The following NXF1 variants were observed in gnomAD, a reference collection of about 807,000 sequenced individuals.
NXF1 encodes nuclear RNA export factor 1.
A neutral mutation model predicts 92.4 loss-of-function variants in NXF1; 43 were observed. The observed-to-expected ratio is 0.47, with a 90% CI of 0.36 to 0.60. NXF1 has a LOEUF of 0.60. Ranked by LOEUF, NXF1 falls within the 20% of genes least tolerant of loss-of-function variation. The pLI, the probability that NXF1 is intolerant of heterozygous loss-of-function variation, is 0.00. For synonymous variants in NXF1, 288 were observed against 292.2 expected, an observed-to-expected ratio of 0.99 and a Z score of 0.15; for missense variants, 576 against 793.0, an observed-to-expected ratio of 0.73 and a Z score of 3.29.
chr11:62,796,862 T>C, intron 13 of NXF1: 1 of 526,760 alleles, frequency 1.9e-6, no homozygotes, highest in Non-Finnish European at 3.4e-6. Context: ...AGGTCAGGAG[T>C]TGGAGACCAG....
In NXF1 at chr11:62,801,777, G is replaced by A; in HGVS notation, c.601C>T (p.Leu201=). 7 of 1,614,028 alleles carry A rather than the reference G, an allele frequency of 4.3e-6. No individual in the cohort carries two copies. The highest frequency in any genetic ancestry group is 5.9e-6 in the Non-Finnish European group (7 of 1,179,946). The part of the protein sequence containing the change: ...INSSAPPHTI[L]NELKPEQVEQ... ...ACTTGTTCTGGCTTCAGTTCATTCA[G>A]TATAGTGTGGGGTGGAGCAGAAGAG... Residue 201 remains leucine, a synonymous_variant, in exon 6 of 21, where the codon CTG becomes TTG. Coordinates refer to ENST00000294172, the MANE Select transcript of NXF1 (RefSeq NM_006362.5).
intron 15 of NXF1, 33 bp from the exon 16 acceptor site, chr11:62,796,214 C>T: frequency 6.2e-7 from 1 of 1,612,062 alleles, no homozygotes; most frequent in South Asian, 1.1e-5. Flanking sequence ...AGTGGTGCTG[C>T]CACACACTCC....
chr11:62,797,414 T>C, intron 11 of NXF1, 28 bp from the exon 12 acceptor site: 1 of 1,604,346 alleles, frequency 6.2e-7, no homozygotes, highest in East Asian at 2.2e-5. Flanking sequence ...AAGTTGACAG[T>C]GTAGACTGGG....
At chr11:62,794,849 C>G in intron 18 of NXF1, 86 bp downstream of exon 18, 1 of 1,274,946 alleles carries the variant, frequency 7.8e-7, no homozygotes, top group Non-Finnish European at 1.1e-6. Flanking sequence ...TCTGAAATCA[C>G]CCCAAAGACT....
chr11:62,798,567 C>T lies in NXF1; in HGVS notation c.1025G>A (p.Arg342His), dbSNP rs2084445665. 4 of 1,613,952 alleles carry T rather than the reference C, an allele frequency of 2.5e-6. No homozygotes were observed. Among genetic ancestry groups the T allele is most frequent in the Non-Finnish European group, 3.4e-6 (4 of 1,179,986 alleles). ...RDQSTYISAI[R>H]ERFPKLLRLD... is the part of the protein sequence containing the mutation. ...GCGTAGTAACTTGGGAAATCGTTCG[C>T]GAATGGCGCTGTCAAGAACGGGACA... The change falls in exon 11 of 21, where the codon CGC (arginine) becomes CAC (histidine). Residue 342 changes from arginine (R) to histidine (H), a missense_variant. Arg to His is a conservative substitution (Grantham distance 29). Transcript: ENST00000294172.
intron 13 of NXF1, 22 bp downstream of exon 13, chr11:62,797,161 G>C (rs748935529): frequency 1.2e-6 from 2 of 1,611,106 alleles, no homozygotes; most frequent in East Asian, 2.2e-5. Flanking sequence ...GGGGTGGGGA[G>C]GGGGGACCCT....
intron 13 of NXF1, chr11:62,796,899 T>A: frequency 1.9e-6 from 1 of 535,884 alleles, no homozygotes; most frequent in Non-Finnish European, 3.3e-6. Flanking sequence ...AAATCCCATC[T>A]GTACGAAAAA....
intron 4 of NXF1, 44 bp from the exon 5 acceptor site, chr11:62,802,090 T>C (rs753721182): frequency 5.6e-6 from 9 of 1,607,878 alleles, no homozygotes; most frequent in Non-Finnish European, 6.8e-6. Flanking sequence ...TCCAGAGCCC[T>C]TGGGGAGGGG....
At chr11:62,798,934 C>T in intron 10 of NXF1, 2 of 1,077,280 alleles carry the variant, frequency 1.9e-6, no homozygotes, top group South Asian at 7.2e-5. Flanking sequence ...AGCCCAGGGG[C>T]TCCGCTGCCT....
intron 18 of NXF1, 102 bp from the exon 19 acceptor site, chr11:62,794,542 C>G (rs1337383884): frequency 1.0e-6 from 1 of 992,310 alleles, no homozygotes; most frequent in East Asian, 2.5e-5. Context: ...GGTCCCCCTC[C>G]CACTCTTAGC....
In NXF1 at chr11:62,805,341, TC is replaced by T. The variant is rs747925585; in HGVS notation, c.15del (p.Lys6SerfsTer56). On this transcript the variant is annotated frameshift_variant, in exon 1 of 21. Transcript: ENST00000294172. LOFTEE classifies it high-confidence loss of function. MADEGKSYSEHDDER... is the reference protein window; with the variant it reads MADEXKSYSEHDDER... Reference sequence around the variant, plus strand: ...GACCAGCACTTACCGCTGTACGACTTCCCCTCGTCCGCCATGCCACAGCGAA... The same window carrying T: ...GACCAGCACTTACCGCTGTACGACTTCCCTCGTCCGCCATGCCACAGCGAA... The T allele has an allele frequency of 6.2e-7, 1 of 1,611,154 alleles. No individual in the cohort carries two copies. Among genetic ancestry groups the T allele is most frequent in the East Asian group, 2.2e-5 (1 of 44,752 alleles).
At chr11:62,804,201 G>A (rs534848767) in intron 1 of NXF1, 1 of 1,513,282 alleles carries the variant, frequency 6.6e-7, no homozygotes, top group African/African-American at 1.4e-5. Flanking sequence ...TTTGAAAAAT[G>A]AAGTAGAAAC....
Position 62,798,588 on chromosome 11 carries a change from G to A in NXF1, c.1017-13C>T. ...TTCGCGAATGGCGCTGTCAAGAACG[G>A]GACAGAAGTGAGTGATGCTTCAGAG... On this transcript the variant is annotated splice_polypyrimidine_tract_variant and intron_variant, in intron 10 of 20. Transcript: ENST00000294172. 6.2e-7 allele frequency: 1 copy of A among 1,613,958 alleles called. No homozygotes were observed. Among genetic ancestry groups the A allele is most frequent in the Admixed American group, 1.7e-5 (1 of 59,974 alleles).
intron 10 of NXF1, chr11:62,798,790 C>G: frequency 5.1e-6 from 7 of 1,374,516 alleles, no homozygotes; most frequent in Non-Finnish European, 6.6e-6. Flanking sequence ...TCTCTTTTCT[C>G]TCTGCCTGAC....
intron 2 of NXF1, 96 bp downstream of exon 2, chr11:62,803,696 C>A: frequency 6.5e-7 from 1 of 1,544,478 alleles, no homozygotes; most frequent in Non-Finnish European, 8.9e-7. Context: ...TGGCATTTCT[C>A]ACTCTAACAG....
intron 13 of NXF1, chr11:62,796,849 A>G: frequency 1.9e-6 from 1 of 535,746 alleles, no homozygotes; most frequent in South Asian, 2.1e-5. Context: ...CAGGTGGATC[A>G]TGAGGTCAGG....
chr11:62,796,703 G>T, intron 13 of NXF1, 136 bp from the exon 14 acceptor site: 1 of 642,846 alleles, frequency 1.6e-6, no homozygotes, highest in East Asian at 2.7e-5. Flanking sequence ...AGGCTGAGAT[G>T]GGTGAATAGC....
Position 62,792,188 on chromosome 11 carries a change from T to C in NXF1, c.*288A>G, listed in dbSNP as rs2084371184. ...ACACGAAATACAACATCACTCTTTA[T>C]ATTAAAAAGTAAGGAGGTCCTGGGG... On this transcript the variant is annotated 3_prime_UTR_variant, in exon 21 of 21. Coordinates refer to ENST00000294172, the MANE Select transcript of NXF1 (RefSeq NM_006362.5). The C allele has an allele frequency of 3.1e-6, 2 of 639,832 alleles. No homozygotes were observed. The highest frequency in any genetic ancestry group is 5.4e-6 in the Non-Finnish European group (2 of 372,646). 39.6% of individuals were successfully genotyped at this position (639,832 alleles called of 1,614,324 possible).
At chr11:62,795,090 T>C (rs1016227582) in intron 17 of NXF1, 83 bp from the exon 18 acceptor site, 5 of 1,291,588 alleles carry the variant, frequency 3.9e-6, no homozygotes, top group South Asian at 2.4e-5. Flanking sequence ...GTCTTTGATA[T>C]AAAGAATCCT....
Sources: gnomAD v4.1 joint callset for allele counts on GRCh38, gnomAD v4.1.1 for gene constraint, MANE v1.5 for transcripts, NCBI Gene and HGNC (gene_info 2026-07-23, HGNC 2026-07-21) for gene names.